ATP6V1D: variants seen among roughly 807,000 people sequenced by gnomAD.
ATP6V1D encodes the protein V-type proton ATPase subunit D.
A neutral mutation model predicts 39.4 loss-of-function variants in ATP6V1D; 20 were observed. That is an observed-to-expected ratio of 0.51 (90% CI 0.36 to 0.74). ATP6V1D has a LOEUF of 0.74. Ranked by LOEUF, ATP6V1D falls within the 30% of genes least tolerant of loss-of-function variation. The pLI is 0.00. For synonymous variants in ATP6V1D, 100 were observed against 100.5 expected, an observed-to-expected ratio of 0.99 and a Z score of 0.03; for missense variants, 228 against 291.6, an observed-to-expected ratio of 0.78 and a Z score of 1.59.
In ATP6V1D at chr14:67,352,448, A is replaced by G. The variant is rs1595637521; in HGVS notation, c.159+475T>C. 2.6e-5 allele frequency among the ~76,000 whole-genome samples: 4 copies of G among 151,942 alleles called. No homozygotes were observed. In the East Asian group the frequency reaches 7.7e-4, roughly 29 times the overall value. ...CCTCAAAAAAAAAAAAAAAAGAAAAAGACTAGAAATAAAATGTCATACCAT... is the reference window on the plus strand; with the variant it reads ...CCTCAAAAAAAAAAAAAAAAGAAAAGGACTAGAAATAAAATGTCATACCAT... On this transcript the variant is annotated intron_variant, in intron 2 of 8. Coordinates refer to ENST00000216442, the MANE Select transcript of ATP6V1D (RefSeq NM_015994.4).
chr14:67,340,234 T>C (rs1306328897), intron 8 of ATP6V1D: 5 of 496,476 alleles, frequency 1.0e-5, no homozygotes, highest in Non-Finnish European at 1.4e-5. Context: ...CCTAAGTTTT[T>C]GGAAATGCCA....
intron 7 of ATP6V1D, among the ~76,000 whole-genome samples, chr14:67,342,231 A>C (rs1289421287): frequency 6.6e-6 from 1 of 151,116 alleles, no homozygotes; most frequent in South Asian, 2.1e-4. Context: ...AATAAAAAAA[A>C]ACACAAAGAA....
chr14:67,340,659 C>G lies in ATP6V1D; in HGVS notation c.524-141G>C, dbSNP rs531009879. 1.0e-5 allele frequency: 7 copies of G among 698,790 alleles called. No homozygotes were observed. The South Asian group carries it at 1.3e-4, about 13-fold the overall frequency. 43.3% of individuals were successfully genotyped at this position (698,790 alleles called of 1,614,324 possible). On this transcript the variant is annotated intron_variant, in intron 7 of 8. Transcript: ENST00000216442. ...ATGCAGAGAACTTGGAAAATAAAAA[C>G]ACAAAGAAGCTCTTCCTCTCCCCCT...
At chr14:67,341,770 A>G (rs2085586259) in intron 7 of ATP6V1D, among the ~76,000 whole-genome samples, 1 of 152,214 alleles carries the variant, frequency 6.6e-6, no homozygotes, top group Non-Finnish European at 1.5e-5. Context: ...AAAGATAGAG[A>G]AATCGGATGG....
chr14:67,341,402 C>A (rs569624772), intron 7 of ATP6V1D, among the ~76,000 whole-genome samples: 1 of 151,936 alleles, frequency 6.6e-6, no homozygotes, highest in African/African-American at 2.4e-5. Flanking sequence ...GCCCGGCAGC[C>A]GCCCCGTCTG....
chr14:67,341,887 C>G (rs1034388241), intron 7 of ATP6V1D, among the ~76,000 whole-genome samples: 20 of 152,064 alleles, frequency 1.3e-4, no homozygotes, highest in African/African-American at 4.8e-4. Context: ...GACCTTACCC[C>G]CAACCCTGTG....
At chr14:67,338,845 GATA>G in intron 8 of ATP6V1D, 83 bp from the exon 9 acceptor site, 1 of 1,272,690 alleles carries the variant, frequency 7.9e-7, no homozygotes, top group Non-Finnish European at 1.1e-6. Flanking sequence ...TTGTAACAAG[GATA>G]ATAAACACAT....
At chr14:67,342,369 A>C (rs2085591883) in intron 7 of ATP6V1D, among the ~76,000 whole-genome samples, 1 of 151,856 alleles carries the variant, frequency 6.6e-6, no homozygotes, top group Non-Finnish European at 1.5e-5. Flanking sequence ...ACAACACTGA[A>C]TGTGCTGAAT....
chr14:67,352,486 G>A (rs1302322685), intron 2 of ATP6V1D, among the ~76,000 whole-genome samples: 3 of 151,900 alleles, frequency 2.0e-5, no homozygotes, highest in Non-Finnish European at 4.4e-5. Context: ...GGTAGTACAT[G>A]CTACAATAAA....
chr14:67,347,544 G>T, intron 4 of ATP6V1D, 91 bp from the exon 5 acceptor site: 1 of 1,141,356 alleles, frequency 8.8e-7, no homozygotes, highest in Non-Finnish European at 1.3e-6. Context: ...TCTTGTCGCC[G>T]AGGCTGGAAT....
intron 7 of ATP6V1D, among the ~76,000 whole-genome samples, chr14:67,341,765 T>C (rs918471616): frequency 3.3e-5 from 5 of 152,230 alleles, no homozygotes; most frequent in Non-Finnish European, 7.3e-5. Flanking sequence ...GGGGAAAAGA[T>C]AGAGAAATCG....
intron 7 of ATP6V1D, among the ~76,000 whole-genome samples, chr14:67,341,910 T>G (rs2085587395): frequency 6.6e-6 from 1 of 152,232 alleles, no homozygotes; most frequent in Non-Finnish European, 1.5e-5. Context: ...CTCTGAAACA[T>G]GTGCTGTGTC....
At chr14:67,345,732 A>G (rs1329508825) in intron 6 of ATP6V1D, 36 bp downstream of exon 6, 4 of 1,456,974 alleles carry the variant, frequency 2.7e-6, no homozygotes, top group Non-Finnish European at 2.9e-6. Context: ...GTTACAAATC[A>G]AACTACAGGA....
intron 3 of ATP6V1D, 141 bp from the exon 4 acceptor site, chr14:67,349,245 A>G: frequency 1.3e-6 from 1 of 772,588 alleles, no homozygotes; most frequent in Non-Finnish European, 2.0e-6. Context: ...CCTTTTTCCA[A>G]AAAGGGAGAA....
At chr14:67,353,633 G>A (rs8015285) in intron 1 of ATP6V1D, 23,448 of 151,990 alleles carry the variant, frequency 0.15, 3,410 homozygotes, top group East Asian at 0.42. Flanking sequence ...AACTACAGGC[G>A]TATGCCACCA....
At chr14:67,350,006 T>A (rs2085645411) in intron 3 of ATP6V1D, among the ~76,000 whole-genome samples, 1 of 152,228 alleles carries the variant, frequency 6.6e-6, no homozygotes, top group Non-Finnish European at 1.5e-5. Flanking sequence ...GGAAGGCATT[T>A]AATTAAAACT....
chr14:67,359,530 A>T, intron 1 of ATP6V1D, 128 bp downstream of exon 1: 1 of 1,086,346 alleles, frequency 9.2e-7, no homozygotes, highest in Non-Finnish European at 1.3e-6. Flanking sequence ...TAGACTCAAG[A>T]AAAGAACCTG....
chr14:67,341,010 A>G (rs1420609008), intron 7 of ATP6V1D, among the ~76,000 whole-genome samples: 5 of 152,044 alleles, frequency 3.3e-5, no homozygotes, highest in Admixed American at 2.0e-4. Context: ...CAGTGGCGTG[A>G]TCTCGGCTCG....
rs11413065 is a variant in ATP6V1D at position 67,350,304 on chromosome 14, G to GA, written c.239+306dup. 9.8e-3 allele frequency among the ~76,000 whole-genome samples: 1,440 copies of GA among 147,478 alleles called. 23 individuals are homozygous for GA. The highest frequency in any genetic ancestry group is 0.033 in the African/African-American group (1,350 of 40,374). The stretch of plus-strand genomic sequence containing the variant: ...TTAACCCAAATACCCAGCATTAGGA[G>GA]AAAAAAAAAATACATCTTGAGAAAG... On this transcript the variant is annotated intron_variant, in intron 3 of 8. Transcript: ENST00000216442.
Sources: gnomAD v4.1 joint callset for allele counts (sites outside exome capture counted in the v4.1 genomes callset) on GRCh38, gnomAD v4.1.1 for gene constraint, MANE v1.5 for transcripts, NCBI Gene and HGNC (gene_info 2026-07-23, HGNC 2026-07-21) for gene names.